PDE6C: variants seen among roughly 807,000 people sequenced by gnomAD.
PDE6C encodes phosphodiesterase 6C.
A neutral mutation model predicts 113.1 loss-of-function variants in PDE6C; 75 were observed. The observed-to-expected ratio is 0.66, with a 90% CI of 0.55 to 0.80. PDE6C has a LOEUF of 0.80. Ranked by LOEUF, PDE6C falls within the 30% of genes least tolerant of loss-of-function variation. The pLI, the probability that PDE6C is intolerant of heterozygous loss-of-function variation, is 0.00. For missense variants in PDE6C, 912 were observed against 1,038.6 expected (o/e 0.88, Z 1.67); for synonymous variants, 375 against 363.7 (o/e 1.03, Z -0.35).
In PDE6C at chr10:93,620,881, C is replaced by T. The variant is rs1330831880; in HGVS notation, c.634-10C>T. 23 of 1,612,938 alleles carry T rather than the reference C, an allele frequency of 1.4e-5. No individual in the cohort carries two copies. Among genetic ancestry groups the T allele is most frequent in the Non-Finnish European group, 1.9e-5 (22 of 1,179,032 alleles). ...CACAACCATAACTTGTTATTCTCTG[C>T]CGTCTGTAGGTCTTTTCCAAATACC... On this transcript the variant is annotated splice_polypyrimidine_tract_variant and intron_variant, in intron 2 of 21. Transcript: ENST00000371447.
chr10:93,653,687 C>CA (rs2058620248), intron 15 of PDE6C, among the ~76,000 whole-genome samples: 1 of 148,954 alleles, frequency 6.7e-6, no homozygotes, highest in East Asian at 1.9e-4. Flanking sequence ...CAAAAAAAAA[C>CA]ATTGATTTTG....
chr10:93,665,617 AATAGGTACAT>A lies in PDE6C; in HGVS notation c.*200_*209del. On this transcript the variant is annotated 3_prime_UTR_variant, in exon 22 of 22. Transcript: ENST00000371447. ...CAACAAAAGTGCAAAATATGACAAA[AATAGGTACAT>A]TTTTGGTGCCAATTTATTTTAAATT... is the stretch of plus-strand genomic sequence containing the variant. The A allele has an allele frequency of 1.7e-6, 1 of 572,888 alleles. No individual in the cohort carries two copies. The highest frequency in any genetic ancestry group is 2.9e-5 in the East Asian group (1 of 34,000). The allele number at this position is 572,888 out of a possible 1,614,324, so 35.5% of individuals were successfully genotyped here.
chr10:93,662,726 T>C, intron 20 of PDE6C, 83 bp downstream of exon 20: 1 of 770,832 alleles, frequency 1.3e-6, no homozygotes, highest in South Asian at 1.4e-5. Flanking sequence ...AATTTAGAAG[T>C]CACCCATACG....
chr10:93,640,832 G>A, intron 13 of PDE6C, 88 bp from the exon 14 acceptor site: 2 of 861,608 alleles, frequency 2.3e-6, no homozygotes, highest in Non-Finnish European at 3.9e-6. Context: ...AACCTAGTGG[G>A]CCTATTCTCT....
chr10:93,624,290 C>A lies in PDE6C; in HGVS notation c.865-1285C>A, dbSNP rs546711891. ...TTGAGACTCTGTCTTGGTCTGTCAC[C>A]AGGCTGGAGTGCAGTGGCATGATCT... On this transcript the variant is annotated intron_variant, in intron 4 of 21. Transcript: ENST00000371447. Among the ~76,000 whole-genome samples the A allele has an allele frequency of 2.0e-5, 3 of 152,134 alleles. No individual in the cohort carries two copies. In the East Asian group the frequency reaches 5.8e-4, roughly 29 times the overall value.
chr10:93,630,959 A>T (rs1171616600), intron 8 of PDE6C, among the ~76,000 whole-genome samples: 1 of 152,238 alleles, frequency 6.6e-6, no homozygotes, highest in Non-Finnish European at 1.5e-5. Flanking sequence ...AATAGGATGC[A>T]TGTCAGCAAA....
chr10:93,644,065 G>A (rs1428927471), intron 14 of PDE6C, among the ~76,000 whole-genome samples: 1 of 152,084 alleles, frequency 6.6e-6, no homozygotes, highest in Non-Finnish European at 1.5e-5. Context: ...CAACTATTTT[G>A]CAGAATATCT....
At chr10:93,635,736 GT>G in intron 10 of PDE6C, 96 bp downstream of exon 10, 1 of 1,292,448 alleles carries the variant, frequency 7.7e-7, no homozygotes. Context: ...AATGCAAATG[GT>G]TTACTCCTGG....
chr10:93,617,566 G>A (rs188940675), intron 1 of PDE6C, among the ~76,000 whole-genome samples: 431 of 152,300 alleles, frequency 2.8e-3, no homozygotes, highest in Non-Finnish European at 4.6e-3. Flanking sequence ...CTGAGGTCAG[G>A]AGTTTGTGAC....
intron 18 of PDE6C, among the ~76,000 whole-genome samples, chr10:93,661,093 C>G (rs910911632): frequency 2.6e-5 from 4 of 152,214 alleles, no homozygotes; most frequent in African/African-American, 7.2e-5. Context: ...CTCTTGGTCT[C>G]CACCTTCTTG....
intron 10 of PDE6C, among the ~76,000 whole-genome samples, chr10:93,635,878 G>A (rs1310545767): frequency 6.6e-6 from 1 of 152,110 alleles, no homozygotes; most frequent in African/African-American, 2.4e-5. Context: ...GGGGCTATGG[G>A]AGCTATAGCA....
At chr10:93,660,220 A>T (rs2058660020) in intron 18 of PDE6C, among the ~76,000 whole-genome samples, 1 of 152,224 alleles carries the variant, frequency 6.6e-6, no homozygotes, top group Admixed American at 6.5e-5. Flanking sequence ...AAGACAGATT[A>T]ACAAGAGAAA....
chr10:93,634,730 A>G (rs776028501), intron 8 of PDE6C, 28 bp from the exon 9 acceptor site: 7 of 1,613,548 alleles, frequency 4.3e-6, no homozygotes, highest in African/African-American at 2.7e-5. Flanking sequence ...AGGCAAAAAA[A>G]TAACTTGAGG....
intron 7 of PDE6C, among the ~76,000 whole-genome samples, chr10:93,628,490 C>G (rs2058484951): frequency 6.6e-6 from 1 of 152,124 alleles, no homozygotes; most frequent in Non-Finnish European, 1.5e-5. Context: ...GAGGCTGAGG[C>G]AGGAGAATTG....
rs1157062768 is a variant in PDE6C at position 93,612,667 on chromosome 10, C to G, written c.-59C>G. 1.2e-6 allele frequency: 2 copies of G among 1,610,190 alleles called. No individual in the cohort carries two copies. Among genetic ancestry groups the G allele is most frequent in the African/African-American group, 1.3e-5 (1 of 74,954 alleles). Reference sequence around the variant, plus strand: ...ATGAATTTCCTTCTCATCACTCTGCCTCAGGTAGTGCTCTGAAGGTCGTCC... The same window carrying G: ...ATGAATTTCCTTCTCATCACTCTGCGTCAGGTAGTGCTCTGAAGGTCGTCC... On this transcript the variant is annotated 5_prime_UTR_variant, in exon 1 of 22. Coordinates refer to ENST00000371447, the MANE Select transcript of PDE6C (RefSeq NM_006204.4).
chr10:93,613,885 C>A (rs1322520558), intron 1 of PDE6C, among the ~76,000 whole-genome samples: 1 of 152,200 alleles, frequency 6.6e-6, no homozygotes, highest in Non-Finnish European at 1.5e-5. Context: ...GACATTTGGA[C>A]CCTCTTGAAG....
Position 93,658,899 on chromosome 10 carries a change from A to C in PDE6C, c.2037-2A>C. 1.9e-6 allele frequency: 3 copies of C among 1,576,552 alleles called. No individual in the cohort carries two copies. The highest frequency in any genetic ancestry group is 1.7e-6 in the Non-Finnish European group (2 of 1,146,076). On this transcript the variant is annotated splice_acceptor_variant, in intron 16 of 21. Transcript: ENST00000371447. LOFTEE classifies it high-confidence loss of function. ...TGTTGCTCACAGCTGTATCTTTTCT[A>C]GGAAGAGGACCATGTTTCAAAAAAT...
At chr10:93,660,762 T>TG (rs997660736) in intron 18 of PDE6C, among the ~76,000 whole-genome samples, 45 of 152,148 alleles carry the variant, frequency 3.0e-4, no homozygotes, top group African/African-American at 1.0e-3. Flanking sequence ...CCTGGGGTCC[T>TG]GCTTGAGCTT....
In PDE6C at chr10:93,662,634, TGTATATAAGGTAA is replaced by T; in HGVS notation, c.2362_2367+7del. The T allele has an allele frequency of 7.5e-7, 1 of 1,334,482 alleles. No individual in the cohort carries two copies. Among genetic ancestry groups the T allele is most frequent in the Non-Finnish European group, 1.1e-6 (1 of 925,102 alleles). The allele number at this position is 1,334,482 out of a possible 1,614,324, so 82.7% of individuals were successfully genotyped here. ...GATTTATTGATTTTGTTTGTACTTTTGTATATAAGGTAAGTAAGCAAATTATTTGAATTAAATA... is the reference window on the plus strand; with the variant it reads ...GATTTATTGATTTTGTTTGTACTTTTGTAAGCAAATTATTTGAATTAAATA... On this transcript the variant is annotated splice_donor_variant and splice_donor_region_variant and coding_sequence_variant and intron_variant, in exon 20 of 22. Coordinates refer to ENST00000371447, the MANE Select transcript of PDE6C (RefSeq NM_006204.4). LOFTEE classifies it high-confidence loss of function.
Sources: allele counts gnomAD v4.1 joint callset (sites outside exome capture counted in the v4.1 genomes callset), GRCh38; gene constraint gnomAD v4.1.1; transcripts MANE v1.5; gene names NCBI Gene and HGNC (gene_info 2026-07-23, HGNC 2026-07-21).